The following AFG2A variants were observed in gnomAD, a reference collection of about 807,000 sequenced individuals.
The protein encoded by AFG2A is ATPase family gene 2 protein homolog A.
the AFG2A span, among the ~76,000 whole-genome samples, chr4:123,252,924 T>C: frequency 6.6e-6 from 1 of 152,238 alleles, no homozygotes; most frequent in South Asian, 2.1e-4. Context: ...ATGAGACTCA[T>C]GCACATTGTT....
the AFG2A span, among the ~76,000 whole-genome samples, chr4:123,230,725 T>A: frequency 2.0e-5 from 3 of 152,108 alleles, no homozygotes; most frequent in Non-Finnish European, 4.4e-5. Context: ...ATGACTGCTG[T>A]AGCCCTACAA....
At chr4:123,253,608 T>C in the AFG2A span, among the ~76,000 whole-genome samples, 1 of 152,014 alleles carries the variant, frequency 6.6e-6, no homozygotes, top group African/African-American at 2.4e-5. Flanking sequence ...CAAGATCACA[T>C]CACTGCACTC....
chr4:123,067,980 G>C, the AFG2A span, among the ~76,000 whole-genome samples: 2 of 152,138 alleles, frequency 1.3e-5, no homozygotes, highest in African/African-American at 2.4e-5. Context: ...CCTTTGATCT[G>C]TGGTCCTATA....
the AFG2A span, among the ~76,000 whole-genome samples, chr4:123,198,490 T>C: frequency 6.6e-6 from 1 of 152,174 alleles, no homozygotes; most frequent in African/African-American, 2.4e-5. Context: ...AGACCACTAC[T>C]CTGTTTGAAG....
chr4:123,067,494 G>C, the AFG2A span, among the ~76,000 whole-genome samples: 1 of 151,898 alleles, frequency 6.6e-6, no homozygotes, highest in South Asian at 2.1e-4. Context: ...TCCAGCCTGG[G>C]CAACGGGGCG....
chr4:123,124,167 T>C, the AFG2A span, among the ~76,000 whole-genome samples: 3 of 152,076 alleles, frequency 2.0e-5, no homozygotes, highest in Admixed American at 2.0e-4. Flanking sequence ...TAAATCATGC[T>C]GCTATAAAGA....
the AFG2A span, among the ~76,000 whole-genome samples, chr4:123,057,962 G>C: frequency 2.6e-5 from 4 of 152,106 alleles, no homozygotes; most frequent in African/African-American, 9.7e-5. Flanking sequence ...TGTGTATATT[G>C]ATTATAAAAT....
chr4:122,936,281 G>A, the AFG2A span: 2 of 495,720 alleles, frequency 4.0e-6, no homozygotes, highest in Admixed American at 4.0e-5. Context: ...GGTAGAAGTA[G>A]ATTATAGATC....
At chr4:122,936,222 A>G in the AFG2A span, 1 of 1,238,794 alleles carries the variant, frequency 8.1e-7, no homozygotes, top group Non-Finnish European at 1.1e-6. Context: ...GTGAGATACT[A>G]GCACCTTATA....
chr4:123,239,735 G>A, the AFG2A span, among the ~76,000 whole-genome samples: 2 of 152,206 alleles, frequency 1.3e-5, no homozygotes, highest in African/African-American at 4.8e-5. Flanking sequence ...ATGCCAAATT[G>A]TAAAGACCAT....
At chr4:122,955,806 C>G in the AFG2A span, among the ~76,000 whole-genome samples, 4 of 152,154 alleles carry the variant, frequency 2.6e-5, no homozygotes, top group Non-Finnish European at 5.9e-5. Context: ...CAAATACAAA[C>G]ATTCTTTTGG....
At chr4:123,069,243 G>T in the AFG2A span, among the ~76,000 whole-genome samples, 138,370 of 152,212 alleles carry the variant, frequency 0.91, 63,126 homozygotes, top group East Asian at 0.97. Context: ...ATTAATTAAT[G>T]TGTAGAAAGG....
the AFG2A span, among the ~76,000 whole-genome samples, chr4:123,192,928 G>A: frequency 6.6e-6 from 1 of 152,200 alleles, no homozygotes; most frequent in Admixed American, 6.5e-5. Flanking sequence ...AAGAAAGTTT[G>A]TTTTATGTAT....
At chr4:123,144,560 A>T in the AFG2A span, among the ~76,000 whole-genome samples, 1 of 152,112 alleles carries the variant, frequency 6.6e-6, no homozygotes, top group South Asian at 2.1e-4. Context: ...GATGACTTGT[A>T]AGTGAGACTG....
the AFG2A span, among the ~76,000 whole-genome samples, chr4:123,246,154 T>C: frequency 2.6e-5 from 4 of 152,222 alleles, no homozygotes; most frequent in African/African-American, 9.6e-5. Context: ...AAATAAATGC[T>C]TTTTTATCTT....
the AFG2A span, chr4:122,927,746 C>T: frequency 2.7e-5 from 43 of 1,612,354 alleles, no homozygotes; most frequent in Admixed American, 6.2e-4. Flanking sequence ...CTAGTTTGAA[C>T]GGAAAGCAAG....
chr4:123,235,799 C>G, the AFG2A span, among the ~76,000 whole-genome samples: 1 of 152,168 alleles, frequency 6.6e-6, no homozygotes, highest in African/African-American at 2.4e-5. Context: ...TGTTTAACAG[C>G]AGTGCAACTG....
chr4:123,261,090 C>G, the AFG2A span, among the ~76,000 whole-genome samples: 1 of 152,180 alleles, frequency 6.6e-6, no homozygotes, highest in Non-Finnish European at 1.5e-5. Flanking sequence ...AACCATCCCC[C>G]CACCCCATTT....
At chr4:122,959,913 G>A in the AFG2A span, among the ~76,000 whole-genome samples, 1 of 152,198 alleles carries the variant, frequency 6.6e-6, no homozygotes, top group South Asian at 2.1e-4. Context: ...ACAATAGGAA[G>A]TGTTGCTTTC....
Sources: allele counts gnomAD v4.1 joint callset (sites outside exome capture counted in the v4.1 genomes callset), GRCh38; gene constraint gnomAD v4.1.1; transcripts MANE v1.5; gene names NCBI Gene and HGNC (gene_info 2026-07-23, HGNC 2026-07-21).